Variants in CHODL observed in about 807,000 individuals in gnomAD.
CHODL encodes the protein chondrolectin.
A neutral mutation model predicts 34.5 loss-of-function variants in CHODL; 29 were observed. The ratio of observed to expected loss-of-function variants is 0.84; its 90% CI spans 0.63 to 1.15. The LOEUF is 1.15. Among genes scored for constraint, CHODL ranks in the 50% most tolerant of loss-of-function variants. The probability of loss-of-function intolerance (pLI) is 0.00; values close to 1 mark genes in which losing one functional copy is unlikely to be tolerated. For synonymous variants in CHODL, 125 were observed against 116.1 expected, an observed-to-expected ratio of 1.08 and a Z score of -0.49; for missense variants, 332 against 332.5, an observed-to-expected ratio of 1.00 and a Z score of 0.01.
chr21:18,028,249 T>TC (rs1317445927), intron 2 of CHODL, among the ~76,000 whole-genome samples: 1 of 81,162 alleles, frequency 1.2e-5, no homozygotes, highest in Non-Finnish European at 2.5e-5. Context: ...CCCTTCCCCT[T>TC]TTCCTTTTCT....
chr21:18,111,930 G>T (rs2065356106), intron 2 of CHODL, among the ~76,000 whole-genome samples: 1 of 152,106 alleles, frequency 6.6e-6, no homozygotes, highest in Admixed American at 6.6e-5. Context: ...CTCAGCAAAG[G>T]TCTCTCCTAT....
chr21:18,249,960 C>T (rs749506047), intron 1 of CHODL, among the ~76,000 whole-genome samples: 1 of 152,128 alleles, frequency 6.6e-6, no homozygotes, highest in Non-Finnish European at 1.5e-5. Context: ...TCAACTTTTT[C>T]TAGTTGAACA....
intron 1 of CHODL, among the ~76,000 whole-genome samples, chr21:18,009,335 G>C (rs139617965): frequency 2.0e-5 from 3 of 152,000 alleles, no homozygotes; most frequent in African/African-American, 4.8e-5. Flanking sequence ...ATTTTTAAAG[G>C]AAACGAAAAA....
chr21:18,130,338 T>C (rs978981431), intron 2 of CHODL, among the ~76,000 whole-genome samples: 1 of 152,248 alleles, frequency 6.6e-6, no homozygotes, highest in East Asian at 1.9e-4. Flanking sequence ...TTCCTAGTGC[T>C]CATTGTCATC....
intron 1 of CHODL, among the ~76,000 whole-genome samples, chr21:18,008,844 T>C (rs187773442): frequency 7.2e-5 from 11 of 152,320 alleles, no homozygotes; most frequent in Admixed American, 3.9e-4. Context: ...GGCTCAGAAT[T>C]AGCCTCGTCT....
intron 1 of CHODL, among the ~76,000 whole-genome samples, chr21:18,011,045 G>A (rs2064014554): frequency 6.6e-6 from 1 of 152,032 alleles, no homozygotes; most frequent in South Asian, 2.1e-4. Flanking sequence ...TTTTTGTGTG[G>A]CAAATATTTA....
intron 1 of CHODL, among the ~76,000 whole-genome samples, chr21:18,023,196 C>A (rs1600905644): frequency 6.6e-6 from 1 of 152,064 alleles, no homozygotes; most frequent in African/African-American, 2.4e-5. Context: ...TTAGCTGTAG[C>A]AACTGGCTGA....
At chr21:18,144,578 T>A (rs2072844078) in intron 2 of CHODL, among the ~76,000 whole-genome samples, 1 of 152,190 alleles carries the variant, frequency 6.6e-6, no homozygotes, top group South Asian at 2.1e-4. Context: ...ACCACGGGGA[T>A]CCCACTTACT....
intron 2 of CHODL, among the ~76,000 whole-genome samples, chr21:18,080,736 T>C (rs1038734346): frequency 4.6e-5 from 7 of 152,236 alleles, no homozygotes; most frequent in African/African-American, 1.4e-4. Flanking sequence ...TTAGTCACTA[T>C]AGCTTAGTAG....
At chr21:18,193,707 AAAATAAAAT>A in intron 2 of CHODL, among the ~76,000 whole-genome samples, 1 of 141,446 alleles carries the variant, frequency 7.1e-6, no homozygotes, top group Non-Finnish European at 1.5e-5. Context: ...GAAAAAAAAA[AAAATAAAAT>A]AAATAAATAA....
intron 2 of CHODL, among the ~76,000 whole-genome samples, chr21:18,084,974 C>T (rs2064988272): frequency 1.4e-5 from 2 of 146,294 alleles, no homozygotes; most frequent in South Asian, 4.3e-4. Flanking sequence ...TCTGAGTGCT[C>T]CAATGTTGGG....
intron 2 of CHODL, among the ~76,000 whole-genome samples, chr21:18,130,902 T>A: frequency 6.6e-6 from 1 of 152,322 alleles, no homozygotes; most frequent in Non-Finnish European, 1.5e-5. Context: ...TTATTTATTT[T>A]GTTAAAGAAT....
intron 1 of CHODL, among the ~76,000 whole-genome samples, chr21:17,973,256 A>G (rs1002030733): frequency 6.6e-5 from 10 of 152,156 alleles, no homozygotes; most frequent in Non-Finnish European, 7.4e-5. Flanking sequence ...CTAAAACACC[A>G]AAAGCAATGG....
chr21:17,917,617 C>T (rs1261277099), intron 1 of CHODL, among the ~76,000 whole-genome samples: 1 of 151,870 alleles, frequency 6.6e-6, no homozygotes, highest in African/African-American at 2.4e-5. Context: ...TGCAGACAAC[C>T]CAGGGAAGGA....
At chr21:17,944,295 C>T (rs2146334225) in intron 1 of CHODL, among the ~76,000 whole-genome samples, 1 of 152,260 alleles carries the variant, frequency 6.6e-6, no homozygotes, top group South Asian at 2.1e-4. Context: ...TTAAGTGGCT[C>T]TACACCAGCC....
chr21:17,917,449 C>A (rs2063148906), intron 1 of CHODL: 1 of 152,168 alleles, frequency 6.6e-6, no homozygotes, highest in African/African-American at 2.4e-5. Context: ...ACTATTTGTT[C>A]TGTTTCTCTG....
chr21:18,208,853 TTCTC>T (rs1263443086), intron 2 of CHODL, among the ~76,000 whole-genome samples: 1 of 151,164 alleles, frequency 6.6e-6, no homozygotes, highest in African/African-American at 2.4e-5. Context: ...TTCTCTCTCT[TTCTC>T]TCTCTCTGTC....
chr21:18,187,279 C>T (rs2073454573), intron 2 of CHODL, among the ~76,000 whole-genome samples: 3 of 152,160 alleles, frequency 2.0e-5, no homozygotes, highest in African/African-American at 7.2e-5. Context: ...CCATCCTAAA[C>T]TGTACTCCTC....
chr21:18,167,388 CA>C (rs2073171691), intron 2 of CHODL, among the ~76,000 whole-genome samples: 1 of 149,550 alleles, frequency 6.7e-6, no homozygotes, highest in Non-Finnish European at 1.5e-5. Context: ...CAGCTCACTG[CA>C]AGCTCCGCCT....
Sources: gnomAD v4.1 joint callset for allele counts (sites outside exome capture counted in the v4.1 genomes callset) on GRCh38, gnomAD v4.1.1 for gene constraint, MANE v1.5 for transcripts, NCBI Gene and HGNC (gene_info 2026-07-23, HGNC 2026-07-21) for gene names.